EIF4A3: variants seen among roughly 807,000 people sequenced by gnomAD.
EIF4A3 encodes the protein eukaryotic translation initiation factor 4A3, also known as eukaryotic initiation factor 4A-III.
EIF4A3 carries 1 observed loss-of-function variant against 55.6 expected under a neutral mutation model. The ratio of observed to expected loss-of-function variants is 0.02; its 90% confidence interval spans 0.01 to 0.09. The LOEUF (loss-of-function observed/expected upper bound fraction) is 0.09. Ranked by LOEUF, EIF4A3 falls within the 10% of genes least tolerant of loss-of-function variation. The probability of loss-of-function intolerance (pLI) is 1.00; values close to 1 mark genes in which losing one functional copy is unlikely to be tolerated. For synonymous variants in EIF4A3, 194 were observed against 196.3 expected (o/e 0.99, Z 0.10); for missense variants, 221 against 540.7 (o/e 0.41, Z 5.86).
intron 2 of EIF4A3, among the ~76,000 whole-genome samples, chr17:80,143,066 A>G (rs1313999664): frequency 1.3e-5 from 2 of 152,168 alleles, no homozygotes; most frequent in Non-Finnish European, 2.9e-5. Context: ...TTTTTTAAAA[A>G]GCATTATGGT....
intron 6 of EIF4A3, 181 bp from the exon 7 acceptor site, chr17:80,139,343 C>T: frequency 9.1e-6 from 7 of 767,456 alleles, no homozygotes; most frequent in Non-Finnish European, 1.4e-5. Flanking sequence ...TACTCCCCGC[C>T]CACCGGAGTG....
At chr17:80,140,444 G>A (rs896309945) in intron 4 of EIF4A3, 6 of 229,580 alleles carry the variant, frequency 2.6e-5, no homozygotes, top group Non-Finnish European at 5.2e-5. Flanking sequence ...TTCCTGAGTA[G>A]CTGGGACTAC....
chr17:80,135,593 G>T, intron 11 of EIF4A3, 87 bp from the exon 12 acceptor site: 1 of 1,269,544 alleles, frequency 7.9e-7, no homozygotes, highest in South Asian at 1.4e-5. Context: ...CCTCACAACA[G>T]ACTTCTCAAA....
Position 80,134,683 on chromosome 17 carries a change from A to T in EIF4A3, c.*807T>A, listed in dbSNP as rs373831278. Among the ~76,000 whole-genome samples, 2 of 152,240 alleles carry T rather than the reference A, an allele frequency of 1.3e-5. No individual in the cohort carries two copies. Among genetic ancestry groups the T allele is most frequent in the East Asian group, 3.9e-4 (2 of 5,180 alleles). On this transcript the variant is annotated 3_prime_UTR_variant, in exon 12 of 12. Transcript: ENST00000649764. The stretch of plus-strand genomic sequence containing the variant: ...TACAAAAAATTTAAATATTAGCCAG[A>T]TGTGCTGGCATGCACCTGTAGTCCC...
At chr17:80,141,204 A>G in intron 4 of EIF4A3, 115 bp downstream of exon 4, 1 of 1,133,326 alleles carries the variant, frequency 8.8e-7, no homozygotes, top group Non-Finnish European at 1.3e-6. Flanking sequence ...AATCAGGAAG[A>G]AAATTTTGAG....
intron 2 of EIF4A3, among the ~76,000 whole-genome samples, chr17:80,143,855 C>G (rs994511065): frequency 5.9e-5 from 9 of 152,060 alleles, no homozygotes; most frequent in African/African-American, 2.2e-4. Flanking sequence ...TGGTGCATGC[C>G]TGTAATCCCA....
chr17:80,135,839 G>T, intron 11 of EIF4A3, 165 bp downstream of exon 11: 1 of 853,164 alleles, frequency 1.2e-6, no homozygotes, highest in South Asian at 1.8e-5. Context: ...AGGTTGCAGT[G>T]AGCCGAAATC....
rs1384364132 is a variant in EIF4A3, at chr17:80,136,151, T to C, written c.1092-20A>G. The C allele has an allele frequency of 6.2e-7, 1 of 1,613,700 alleles. No individual in the cohort carries two copies. Among genetic ancestry groups the C allele is most frequent in the Non-Finnish European group, 8.5e-7 (1 of 1,179,890 alleles). ...CCAATTCTTCAGGAATAAAATAATA[T>C]TACAGTTAGTATATATAACAATCAA... On this transcript the variant is annotated intron_variant, in intron 10 of 11. Coordinates refer to ENST00000649764, the MANE Select transcript of EIF4A3 (RefSeq NM_014740.4).
Position 80,137,512 on chromosome 17 carries a change from A to G in EIF4A3, c.868-11T>C. 1 of 1,609,634 alleles carries G rather than the reference A, an allele frequency of 6.2e-7. No homozygotes were observed. The highest frequency in any genetic ancestry group is 8.5e-7 in the Non-Finnish European group (1 of 1,176,926). On this transcript the variant is annotated splice_polypyrimidine_tract_variant and intron_variant, in intron 8 of 11. Transcript: ENST00000649764. The stretch of plus-strand genomic sequence containing the variant: ...CGTCAGCCAGTCCACCTACAAATCC[A>G]ATCAACAGATGCTACTGCAAGCTAG...
Position 80,134,495 on chromosome 17 carries a change from T to A in EIF4A3, c.*995A>T, listed in dbSNP as rs2039554152. On this transcript the variant is annotated 3_prime_UTR_variant, in exon 12 of 12. Coordinates refer to ENST00000649764, the MANE Select transcript of EIF4A3 (RefSeq NM_014740.4). ...TACTCCTGCCTGGGCGACAGGGAGA[T>A]CCTGGGCTCTCAAAAAAACAACAAA... Among the ~76,000 whole-genome samples the A allele has an allele frequency of 6.7e-6, 1 of 150,256 alleles. No individual in the cohort carries two copies. The highest frequency in any genetic ancestry group is 2.5e-5 in the African/African-American group (1 of 40,630).
Position 80,141,940 on chromosome 17 carries a change from A to G in EIF4A3, c.243-92T>C, listed in dbSNP as rs2039622170. ...GCCTGGGCTCCAGAGGCACTTAGGT[A>G]CCTTCTTCCAGCAAGCCCCCGTACC... On this transcript the variant is annotated intron_variant, in intron 2 of 11. Transcript: ENST00000649764. The G allele has an allele frequency of 2.1e-5, 21 of 1,011,412 alleles. No individual in the cohort carries two copies. In the South Asian group the frequency reaches 2.9e-4, roughly 14 times the overall value. The allele number at this position is 1,011,412 out of a possible 1,614,324, so 62.7% of individuals were successfully genotyped here. A position where few individuals can be genotyped will look rare whatever the true frequency, so the allele number is the denominator to read the frequency against.
intron 11 of EIF4A3, 53 bp downstream of exon 11, chr17:80,135,946 CAAACT>C (rs2039566951): frequency 2.6e-6 from 4 of 1,566,266 alleles, no homozygotes; most frequent in Non-Finnish European, 3.4e-6. Context: ...TCAGGTGCCC[CAAACT>C]AAGAATAGGG....
chr17:80,144,668 A>AT (rs1160223097), intron 1 of EIF4A3, among the ~76,000 whole-genome samples: 3 of 150,616 alleles, frequency 2.0e-5, no homozygotes, highest in Non-Finnish European at 4.4e-5. Context: ...TACTTTTTAA[A>AT]TTAAAAAAAA....
At chr17:80,141,042 C>T (rs2039613844) in intron 4 of EIF4A3, among the ~76,000 whole-genome samples, 1 of 152,064 alleles carries the variant, frequency 6.6e-6, no homozygotes, top group African/African-American at 2.4e-5. Context: ...GGTGATCCAC[C>T]CACCTCGACC....
intron 3 of EIF4A3, 63 bp downstream of exon 3, chr17:80,141,719 C>T: frequency 6.6e-7 from 1 of 1,514,608 alleles, no homozygotes; most frequent in Non-Finnish European, 9.1e-7. Flanking sequence ...ACTGTAGTTA[C>T]AGAAGAAAAA....
At chr17:80,138,620 AG>A (rs1257974123) in intron 7 of EIF4A3, 1 of 348,018 alleles carries the variant, frequency 2.9e-6, no homozygotes, top group Non-Finnish European at 5.4e-6. Flanking sequence ...TGTTTGAGAC[AG>A]GGTCTTGCTC....
Position 80,134,517 on chromosome 17 carries a change from CAA to C in EIF4A3, c.*971_*972del, listed in dbSNP as rs926415042. Among the ~76,000 whole-genome samples the C allele has an allele frequency of 1.6e-4, 23 of 145,582 alleles. No homozygotes were observed. Among genetic ancestry groups the C allele is most frequent in the African/African-American group, 5.9e-4 (23 of 39,192 alleles). On this transcript the variant is annotated 3_prime_UTR_variant, in exon 12 of 12. Transcript: ENST00000649764. ...AGATCCTGGGCTCTCAAAAAAACAA[CAA>C]AAAAAAAAAATTAGAAAAATGAGGC...
In EIF4A3 at chr17:80,134,520, A is replaced by C. The variant is rs8069324; in HGVS notation, c.*970T>G. Reference sequence around the variant, plus strand: ...TCCTGGGCTCTCAAAAAAACAACAAAAAAAAAAAATTAGAAAAATGAGGCC... The same window carrying C: ...TCCTGGGCTCTCAAAAAAACAACAACAAAAAAAAATTAGAAAAATGAGGCC... On this transcript the variant is annotated 3_prime_UTR_variant, in exon 12 of 12. Coordinates refer to ENST00000649764, the MANE Select transcript of EIF4A3 (RefSeq NM_014740.4). 0.44 allele frequency among the ~76,000 whole-genome samples: 65,280 copies of C among 148,582 alleles called. 14,192 individuals carry two copies. Among genetic ancestry groups the C allele is most frequent in the Middle Eastern group, 0.5 (147 of 294 alleles).
At chr17:80,142,926 C>G (rs963926898) in intron 2 of EIF4A3, among the ~76,000 whole-genome samples, 2 of 152,080 alleles carry the variant, frequency 1.3e-5, no homozygotes, top group African/African-American at 4.8e-5. Context: ...GTAGTCCCAG[C>G]TACTTGGGAG....
Sources: allele counts gnomAD v4.1 joint callset (sites outside exome capture counted in the v4.1 genomes callset), GRCh38; gene constraint gnomAD v4.1.1; transcripts MANE v1.5; gene names NCBI Gene and HGNC (gene_info 2026-07-23, HGNC 2026-07-21).